Variants in FSTL5 observed in about 807,000 individuals in gnomAD.
The protein encoded by FSTL5 is follistatin-related protein 5.
A neutral mutation model predicts 89.1 loss-of-function variants in FSTL5; 62 were observed. The ratio of observed to expected loss-of-function variants is 0.70; its 90% CI spans 0.57 to 0.86. The LOEUF (loss-of-function observed/expected upper bound fraction) is 0.86, where lower values mean the gene tolerates loss of function less well. Among genes scored for constraint, FSTL5 ranks in the 40% least tolerant of loss-of-function variants. The pLI, the probability that FSTL5 is intolerant of heterozygous loss-of-function variation, is 0.00. For missense variants in FSTL5, 1,057 were observed against 1,001.6 expected (o/e 1.06, Z -0.75); for synonymous variants, 383 against 346.2 (o/e 1.11, Z -1.18).
chr4:162,088,124 T>C (rs1730395669), intron 2 of FSTL5, among the ~76,000 whole-genome samples: 1 of 152,096 alleles, frequency 6.6e-6, no homozygotes, highest in African/African-American at 2.4e-5. Context: ...AATTATGATA[T>C]TTAAATAATA....
chr4:161,509,520 A>G (rs72988971), intron 11 of FSTL5, among the ~76,000 whole-genome samples: 56 of 152,198 alleles, frequency 3.7e-4, no homozygotes, highest in African/African-American at 1.3e-3. Flanking sequence ...AAATAAGTGG[A>G]CTGCTTCATC....
intron 4 of FSTL5, among the ~76,000 whole-genome samples, chr4:161,856,670 A>ATT (rs1413305875): frequency 6.6e-6 from 1 of 150,748 alleles, no homozygotes; most frequent in Non-Finnish European, 1.5e-5. Context: ...GTGTATATAT[A>ATT]TATATATAAA....
chr4:162,014,546 T>C (rs764234325), intron 3 of FSTL5, among the ~76,000 whole-genome samples: 13 of 150,190 alleles, frequency 8.7e-5, no homozygotes, highest in Non-Finnish European at 1.5e-4. Context: ...TTAGATAAAT[T>C]TGTGGAACTA....
chr4:161,739,502 T>C (rs771157679), intron 6 of FSTL5, among the ~76,000 whole-genome samples: 1 of 152,200 alleles, frequency 6.6e-6, no homozygotes, highest in Non-Finnish European at 1.5e-5. Flanking sequence ...TATCTCTTTA[T>C]CAGTAAAATG....
chr4:161,582,592 A>T (rs1226741352), intron 8 of FSTL5, among the ~76,000 whole-genome samples: 1 of 152,202 alleles, frequency 6.6e-6, no homozygotes, highest in Non-Finnish European at 1.5e-5. Context: ...TAAAAAAGAG[A>T]CAGTACCAAT....
chr4:161,752,994 A>C (rs1191493739), intron 6 of FSTL5, among the ~76,000 whole-genome samples: 1 of 152,122 alleles, frequency 6.6e-6, no homozygotes, highest in Non-Finnish European at 1.5e-5. Flanking sequence ...CCATCTCAAG[A>C]ACTATGAGAA....
chr4:161,936,769 G>A (rs568423584), intron 3 of FSTL5, among the ~76,000 whole-genome samples: 9 of 152,204 alleles, frequency 5.9e-5, no homozygotes, highest in South Asian at 2.1e-4. Flanking sequence ...GGAGAGTACC[G>A]CAAGCTGAAT....
intron 15 of FSTL5, among the ~76,000 whole-genome samples, chr4:161,426,638 G>A (rs1291609007): frequency 6.6e-6 from 1 of 152,064 alleles, no homozygotes; most frequent in East Asian, 1.9e-4. Context: ...TGTTGCCCAG[G>A]CTTGAGTGCA....
intron 1 of FSTL5, among the ~76,000 whole-genome samples, chr4:162,153,623 T>C (rs149341649): frequency 0.048 from 6,857 of 142,450 alleles, 378 homozygotes; most frequent in African/African-American, 0.12. Context: ...GTATATTATA[T>C]ATGTATATAA....
chr4:162,018,151 G>A (rs1307634700), intron 3 of FSTL5, among the ~76,000 whole-genome samples: 2 of 152,024 alleles, frequency 1.3e-5, no homozygotes, highest in Non-Finnish European at 2.9e-5. Flanking sequence ...CTCAGATAAT[G>A]CTTGTTTTTA....
chr4:161,922,922 A>T (rs1734030441), intron 3 of FSTL5, among the ~76,000 whole-genome samples: 1 of 151,960 alleles, frequency 6.6e-6, no homozygotes, highest in African/African-American at 2.4e-5. Flanking sequence ...AATAAGCAGG[A>T]GTCCATTAGT....
In FSTL5 at chr4:161,613,151, C is replaced by A. The variant is rs73862342; in HGVS notation, c.895-25576G>T. On this transcript the variant is annotated intron_variant, in intron 7 of 15. Transcript: ENST00000306100. ...TAATGCGGCACCTCACATAATGCTT[C>A]CAACATTTAACAATATAGCAGCCAG... is the stretch of plus-strand genomic sequence containing the variant. Among the ~76,000 whole-genome samples, 1,245 of 152,158 alleles carry A rather than the reference C, an allele frequency of 8.2e-3. 10 individuals are homozygous for A. The highest frequency in any genetic ancestry group is 0.027 in the African/African-American group (1,138 of 41,516).
chr4:161,429,068 T>A (rs570703225), intron 15 of FSTL5, among the ~76,000 whole-genome samples: 3 of 152,122 alleles, frequency 2.0e-5, no homozygotes, highest in Admixed American at 1.3e-4. Context: ...GGATTGAGTG[T>A]AGCCAGGCAG....
At chr4:161,710,667 A>G (rs185142142) in intron 6 of FSTL5, among the ~76,000 whole-genome samples, 2 of 152,318 alleles carry the variant, frequency 1.3e-5, no homozygotes, top group Non-Finnish European at 2.9e-5. Flanking sequence ...CCAATTGTGC[A>G]AAAGAAAAAA....
chr4:161,942,172 A>G (rs954614112), intron 3 of FSTL5, among the ~76,000 whole-genome samples: 1 of 151,884 alleles, frequency 6.6e-6, no homozygotes, highest in Non-Finnish European at 1.5e-5. Context: ...TGCCTACATT[A>G]AAAAGAAGGA....
rs74331997 is a variant in FSTL5 at position 161,452,896 on chromosome 4, T to C, written c.1841+2108A>G. Among the ~76,000 whole-genome samples the C allele has an allele frequency of 3.6e-3, 556 of 152,330 alleles. 3 individuals are homozygous for C. The highest frequency in any genetic ancestry group is 0.012 in the African/African-American group (504 of 41,578). On this transcript the variant is annotated intron_variant, in intron 15 of 15. Transcript: ENST00000306100. ...ATACTTTTTACTCTTTTTCATAATATATAGAACTAAAATAAATGTGTGCCT... is the reference window on the plus strand; with the variant it reads ...ATACTTTTTACTCTTTTTCATAATACATAGAACTAAAATAAATGTGTGCCT...
chr4:161,612,016 C>T (rs1330470898), intron 7 of FSTL5, among the ~76,000 whole-genome samples: 3 of 152,230 alleles, frequency 2.0e-5, no homozygotes, highest in Non-Finnish European at 4.4e-5. Context: ...GGAGGATCCA[C>T]TGGCAAAAGC....
chr4:161,971,518 C>T (rs1033640730), intron 3 of FSTL5, among the ~76,000 whole-genome samples: 7 of 152,182 alleles, frequency 4.6e-5, no homozygotes, highest in African/African-American at 1.4e-4. Context: ...ATTCTCCCTT[C>T]TGAAGAAGTA....
intron 4 of FSTL5, among the ~76,000 whole-genome samples, chr4:161,902,423 C>T (rs1733392986): frequency 6.6e-6 from 1 of 152,250 alleles, no homozygotes; most frequent in African/African-American, 2.4e-5. Context: ...GGCATATGCA[C>T]ACATTTAATA....
Sources: gnomAD v4.1 joint callset for allele counts (sites outside exome capture counted in the v4.1 genomes callset) on GRCh38, gnomAD v4.1.1 for gene constraint, MANE v1.5 for transcripts, NCBI Gene and HGNC (gene_info 2026-07-23, HGNC 2026-07-21) for gene names.